The following NDST3 variants were observed in gnomAD, a reference collection of about 807,000 sequenced individuals.
NDST3 encodes the protein bifunctional heparan sulfate N-deacetylase/N-sulfotransferase 3.
NDST3 carries 58 observed loss-of-function variants against 96.1 expected under a neutral mutation model. The observed-to-expected ratio is 0.60, with a 90% CI of 0.49 to 0.75. The LOEUF (loss-of-function observed/expected upper bound fraction) is 0.75. Among genes scored for constraint, NDST3 ranks in the 30% least tolerant of loss-of-function variants. The probability of loss-of-function intolerance (pLI) is 0.00; values close to 1 mark genes in which losing one functional copy is unlikely to be tolerated. For synonymous variants in NDST3, 333 were observed against 359.7 expected (o/e 0.93, Z 0.84); for missense variants, 788 against 1,034.2 (o/e 0.76, Z 3.27).
intron 6 of NDST3, among the ~76,000 whole-genome samples, chr4:118,214,983 T>A (rs1739099458): frequency 6.6e-6 from 1 of 152,292 alleles, no homozygotes; most frequent in East Asian, 1.9e-4. Context: ...CTAGCAGTGA[T>A]GAAGCAGATG....
At chr4:118,198,825 T>A (rs1271109478) in intron 6 of NDST3, among the ~76,000 whole-genome samples, 1 of 152,184 alleles carries the variant, frequency 6.6e-6, no homozygotes, top group African/African-American at 2.4e-5. Flanking sequence ...TTTCACCAGA[T>A]ATACTATTCT....
intron 6 of NDST3, among the ~76,000 whole-genome samples, chr4:118,215,530 T>C (rs564107511): frequency 1.2e-3 from 179 of 152,168 alleles, no homozygotes; most frequent in African/African-American, 4.0e-3. Flanking sequence ...TTTGAAGAAC[T>C]TGGCTGGGTA....
chr4:118,088,860 C>T (rs888247832), intron 2 of NDST3, among the ~76,000 whole-genome samples: 1 of 151,818 alleles, frequency 6.6e-6, no homozygotes, highest in Non-Finnish European at 1.5e-5. Context: ...ATGTCTAGAC[C>T]GTTGCTGGCT....
chr4:118,105,889 T>C (rs935321938), intron 3 of NDST3, among the ~76,000 whole-genome samples: 2 of 152,218 alleles, frequency 1.3e-5, no homozygotes, highest in African/African-American at 4.8e-5. Context: ...GTAGAAAATG[T>C]CAGTTTTTCA....
chr4:118,239,537 G>C (rs1396891168), intron 10 of NDST3, among the ~76,000 whole-genome samples: 3 of 152,114 alleles, frequency 2.0e-5, no homozygotes, highest in South Asian at 2.1e-4. Flanking sequence ...TTTCCACCAA[G>C]TATCTGGAGA....
At chr4:118,078,273 G>C (rs977180047) in intron 2 of NDST3, among the ~76,000 whole-genome samples, 1 of 152,116 alleles carries the variant, frequency 6.6e-6, no homozygotes, top group African/African-American at 2.4e-5. Flanking sequence ...TGTAGGGTCA[G>C]TGTTCACTAG....
Position 118,253,590 on chromosome 4 carries a change from A to G in NDST3, c.2491A>G (p.Met831Val), listed in dbSNP as rs769420534. Reference sequence around the variant, plus strand: ...GAGCAAAGGAAGAAAATACCCTCCAATGGATTCTGATGTAAGCATAGACCT... The same window carrying G: ...GAGCAAAGGAAGAAAATACCCTCCAGTGGATTCTGATGTAAGCATAGACCT... ...GKSKGRKYPPMDSDSRTFLSS... is the reference protein window; with the variant it reads ...GKSKGRKYPPVDSDSRTFLSS... Residue 831 changes from methionine to valine, a missense_variant, in exon 13 of 14, where the codon ATG (methionine) becomes GTG (valine). Physicochemically the swap from Met to Val is conservative, Grantham distance 21. Coordinates refer to ENST00000296499, the MANE Select transcript of NDST3 (RefSeq NM_004784.3). 44 of 1,605,962 alleles carry G rather than the reference A, an allele frequency of 2.7e-5. No homozygotes were observed. Among genetic ancestry groups the G allele is most frequent in the Non-Finnish European group, 3.3e-5 (39 of 1,173,752 alleles).
rs1180582128 is a variant in NDST3, at chr4:118,066,182, ATATATCTTATAT to A, written c.981+11292_981+11303del. 9.0e-5 allele frequency among the ~76,000 whole-genome samples: 2 copies of A among 22,148 alleles called. 1 individual carries two copies. Among genetic ancestry groups the A allele is most frequent in the Admixed American group, 2.9e-3 (2 of 700 alleles). 14.5% of individuals were successfully genotyped at this position (22,148 alleles called of 152,430 possible). The stretch of plus-strand genomic sequence containing the variant: ...TATTATATATTATATTTTATATATT[ATATATCTTATAT>A]ATTATATTTTATATATTATACATAA... On this transcript the variant is annotated intron_variant, in intron 2 of 13. Transcript: ENST00000296499.
intron 2 of NDST3, among the ~76,000 whole-genome samples, chr4:118,081,870 GA>G (rs1408081391): frequency 2.0e-5 from 3 of 152,134 alleles, no homozygotes; most frequent in Non-Finnish European, 4.4e-5. Context: ...TATAGATATG[GA>G]ACAATTTCCT....
intron 6 of NDST3, among the ~76,000 whole-genome samples, chr4:118,220,308 G>A (rs534911415): frequency 6.6e-6 from 1 of 151,996 alleles, no homozygotes; most frequent in African/African-American, 2.4e-5. Flanking sequence ...CCTTGGCAAG[G>A]ACATGAAGCT....
chr4:118,140,543 C>T (rs1733489552), intron 5 of NDST3, among the ~76,000 whole-genome samples: 1 of 152,098 alleles, frequency 6.6e-6, no homozygotes. Flanking sequence ...TGGAAAGAAC[C>T]AGTATATTAG....
Position 118,224,926 on chromosome 4 carries a change from C to T in NDST3, c.1722+253C>T, listed in dbSNP as rs577631444. On this transcript the variant is annotated intron_variant, in intron 7 of 13. Coordinates refer to ENST00000296499, the MANE Select transcript of NDST3 (RefSeq NM_004784.3). ...GTGACAGATTCAATGAATATAACGTCTTCAATCAGGAGTGAGAGATAAATC... is the reference window on the plus strand; with the variant it reads ...GTGACAGATTCAATGAATATAACGTTTTCAATCAGGAGTGAGAGATAAATC... Among the ~76,000 whole-genome samples the T allele has an allele frequency of 2.0e-5, 3 of 152,212 alleles. No homozygotes were observed. In the East Asian group the frequency reaches 5.8e-4, roughly 29 times the overall value.
At chr4:118,064,880 T>C (rs769443156) in intron 2 of NDST3, among the ~76,000 whole-genome samples, 4 of 152,150 alleles carry the variant, frequency 2.6e-5, no homozygotes, top group Non-Finnish European at 5.9e-5. Context: ...GCTTTTTCCA[T>C]CTTCTAGATT....
At chr4:118,044,311 C>A (rs532001278) in intron 1 of NDST3, among the ~76,000 whole-genome samples, 1 of 152,168 alleles carries the variant, frequency 6.6e-6, no homozygotes, top group Non-Finnish European at 1.5e-5. Flanking sequence ...AATTACTTAT[C>A]AAAATGAAAT....
chr4:118,220,362 A>G (rs1462949374), intron 6 of NDST3, among the ~76,000 whole-genome samples: 1 of 151,978 alleles, frequency 6.6e-6, no homozygotes, highest in African/African-American at 2.4e-5. Context: ...AGAGAAAACC[A>G]AACACCGCAT....
chr4:118,033,535 A>G (rs1723988362), upstream of NDST3: 1 of 151,564 alleles, frequency 6.6e-6, no homozygotes, highest in Non-Finnish European at 1.5e-5. Context: ...TCCCGTCCTC[A>G]GCTCCCGCTC....
rs577015145 is a variant in NDST3, at chr4:118,101,814, G to C, written c.982-3204G>C. On this transcript the variant is annotated intron_variant, in intron 2 of 13. Coordinates refer to ENST00000296499, the MANE Select transcript of NDST3 (RefSeq NM_004784.3). The stretch of plus-strand genomic sequence containing the variant: ...GATACACAGAGCAGTATTTATATTA[G>C]TCAAAAAAGTAAACAACTTAAATGT... Among the ~76,000 whole-genome samples the C allele has an allele frequency of 2.5e-4, 38 of 152,056 alleles. No individual in the cohort carries two copies. In the East Asian group the frequency reaches 3.1e-3, roughly 12 times the overall value.
At chr4:118,226,000 T>G (rs921503209) in intron 7 of NDST3, among the ~76,000 whole-genome samples, 1 of 152,124 alleles carries the variant, frequency 6.6e-6, no homozygotes, top group Non-Finnish European at 1.5e-5. Flanking sequence ...TTTTGTTTTT[T>G]TTTTCAGAAG....
In NDST3 at chr4:118,181,280, G is replaced by T. The variant is rs550801376; in HGVS notation, c.1539+37596G>T. 7.2e-4 allele frequency among the ~76,000 whole-genome samples: 110 copies of T among 152,162 alleles called. 1 individual carries two copies. Among genetic ancestry groups the T allele is most frequent in the African/African-American group, 2.5e-3 (105 of 41,526 alleles). On this transcript the variant is annotated intron_variant, in intron 6 of 13. Transcript: ENST00000296499. ...CTGACCACCAAATGAAGGAGGTAGGGGCTAGAAGAGAAACGTATCAAGAAT... is the reference window on the plus strand; with the variant it reads ...CTGACCACCAAATGAAGGAGGTAGGTGCTAGAAGAGAAACGTATCAAGAAT...
Sources: allele counts gnomAD v4.1 joint callset (sites outside exome capture counted in the v4.1 genomes callset), GRCh38; gene constraint gnomAD v4.1.1; transcripts MANE v1.5; gene names NCBI Gene and HGNC (gene_info 2026-07-23, HGNC 2026-07-21).